Variants in ERC2 observed in about 807,000 individuals in gnomAD.
The protein encoded by ERC2 is ERC protein 2.
In ERC2, 42 loss-of-function variants were observed where a neutral mutation model predicts 114.8. The ratio of observed to expected loss-of-function variants is 0.37; its 90% confidence interval spans 0.29 to 0.47. The LOEUF (loss-of-function observed/expected upper bound fraction) is 0.47. Among genes scored for constraint, ERC2 ranks in the 20% least tolerant of loss-of-function variants. ERC2 has a pLI of 0.99. For synonymous variants in ERC2, 454 were observed against 425.5 expected, an observed-to-expected ratio of 1.07 and a Z score of -0.82; for missense variants, 939 against 1,150.7, an observed-to-expected ratio of 0.82 and a Z score of 2.66.
At chr3:55,639,059 C>G (rs527758721) in intron 17 of ERC2, among the ~76,000 whole-genome samples, 111 of 152,288 alleles carry the variant, frequency 7.3e-4, no homozygotes, top group African/African-American at 2.5e-3. Context: ...GCAAATTGCT[C>G]ATTGGATTCA....
At chr3:55,623,862 A>T (rs887607622) in intron 17 of ERC2, among the ~76,000 whole-genome samples, 2 of 152,210 alleles carry the variant, frequency 1.3e-5, no homozygotes, top group African/African-American at 4.8e-5. Flanking sequence ...TTCTGCAGAA[A>T]GTAAAAATTG....
At chr3:55,910,044 G>A (rs1359063612) in intron 13 of ERC2, among the ~76,000 whole-genome samples, 1 of 151,906 alleles carries the variant, frequency 6.6e-6, no homozygotes, top group East Asian at 1.9e-4. Flanking sequence ...TAAATATTCT[G>A]TTTAGGTTGA....
intron 3 of ERC2, among the ~76,000 whole-genome samples, chr3:56,228,478 T>C (rs1323715875): frequency 2.0e-5 from 3 of 152,244 alleles, no homozygotes; most frequent in African/African-American, 7.2e-5. Context: ...CTTTGTGTGA[T>C]TTCACTTAGC....
chr3:56,150,889 G>A (rs1407328238), intron 4 of ERC2, among the ~76,000 whole-genome samples: 1 of 152,102 alleles, frequency 6.6e-6, no homozygotes, highest in African/African-American at 2.4e-5. Flanking sequence ...AGGATTAGAT[G>A]AGGCTAGGAG....
intron 13 of ERC2, among the ~76,000 whole-genome samples, chr3:55,938,961 A>G (rs1489539597): frequency 6.6e-6 from 1 of 152,226 alleles, no homozygotes; most frequent in Non-Finnish European, 1.5e-5. Context: ...AAAAAAATTT[A>G]TCAGATTTGG....
intron 17 of ERC2, among the ~76,000 whole-genome samples, chr3:55,617,376 C>T (rs2148586394): frequency 6.6e-6 from 1 of 152,290 alleles, no homozygotes; most frequent in African/African-American, 2.4e-5. Flanking sequence ...TGCAATTTTC[C>T]ACCAACAATG....
chr3:56,263,960 C>G (rs2053119298), intron 3 of ERC2, among the ~76,000 whole-genome samples: 1 of 151,980 alleles, frequency 6.6e-6, no homozygotes, highest in Admixed American at 6.6e-5. Flanking sequence ...TACATTGTGA[C>G]CACAATGTAT....
At chr3:55,757,359 C>T (rs551581920) in intron 14 of ERC2, among the ~76,000 whole-genome samples, 1 of 152,168 alleles carries the variant, frequency 6.6e-6, no homozygotes, top group South Asian at 2.1e-4. Flanking sequence ...CCCTTCCACA[C>T]TGGTCTCTCT....
At chr3:56,238,285 G>C (rs997709943) in intron 3 of ERC2, among the ~76,000 whole-genome samples, 8 of 152,178 alleles carry the variant, frequency 5.3e-5, no homozygotes, top group Non-Finnish European at 8.8e-5. Flanking sequence ...GACGAAATAG[G>C]TGTTTAGTGT....
intron 14 of ERC2, among the ~76,000 whole-genome samples, chr3:55,790,295 G>T (rs1195386485): frequency 6.6e-6 from 1 of 152,126 alleles, no homozygotes; most frequent in East Asian, 1.9e-4. Flanking sequence ...CTTCCTTGCA[G>T]GTGTTAGGGA....
intron 2 of ERC2, among the ~76,000 whole-genome samples, chr3:56,410,377 A>G (rs918218909): frequency 1.5e-4 from 23 of 152,324 alleles, no homozygotes; most frequent in Non-Finnish European, 2.9e-4. Context: ...TAACAAAATT[A>G]CTCTATAGAG....
chr3:55,903,503 A>C (rs1407223974), intron 13 of ERC2, among the ~76,000 whole-genome samples: 2 of 152,244 alleles, frequency 1.3e-5, no homozygotes, highest in Non-Finnish European at 2.9e-5. Context: ...TTGTTTAAAA[A>C]TATTTCTCCT....
intron 3 of ERC2, among the ~76,000 whole-genome samples, chr3:56,264,227 T>C (rs1027311629): frequency 1.8e-4 from 27 of 152,148 alleles, no homozygotes; most frequent in African/African-American, 6.3e-4. Context: ...AAAAGCTTTT[T>C]CCTTAAGATT....
chr3:56,383,222 C>T (rs1271340461), intron 2 of ERC2, among the ~76,000 whole-genome samples: 1 of 152,150 alleles, frequency 6.6e-6, no homozygotes, highest in African/African-American at 2.4e-5. Context: ...ATTCTCAACA[C>T]AACAGCCAGA....
chr3:55,574,170 A>C (rs2056860771), intron 17 of ERC2, among the ~76,000 whole-genome samples: 1 of 152,146 alleles, frequency 6.6e-6, no homozygotes, highest in Non-Finnish European at 1.5e-5. Flanking sequence ...ACCAATGATG[A>C]CACTGTGGTC....
intron 14 of ERC2, among the ~76,000 whole-genome samples, chr3:55,762,434 CAT>C (rs2067506774): frequency 2.0e-5 from 3 of 152,212 alleles, no homozygotes; most frequent in African/African-American, 7.2e-5. Context: ...ATATTTGACA[CAT>C]GTGTGTTCCA....
chr3:55,983,977 A>G (rs532130194), intron 12 of ERC2, among the ~76,000 whole-genome samples: 61 of 152,302 alleles, frequency 4.0e-4, no homozygotes, highest in Non-Finnish European at 7.4e-4. Context: ...AGCTTCTAGG[A>G]CTCTAAAGAC....
At chr3:56,182,509 C>T (rs1029864272) in intron 3 of ERC2, among the ~76,000 whole-genome samples, 3 of 152,242 alleles carry the variant, frequency 2.0e-5, no homozygotes, top group African/African-American at 7.2e-5. Context: ...GCTAAGCACT[C>T]TTTTAAGTAT....
intron 3 of ERC2, among the ~76,000 whole-genome samples, chr3:56,175,124 T>C (rs938006604): frequency 6.6e-6 from 1 of 152,214 alleles, no homozygotes; most frequent in Non-Finnish European, 1.5e-5. Context: ...TATTTGCCAG[T>C]GGCCCAAGAA....
Sources: gnomAD v4.1 joint callset for allele counts (sites outside exome capture counted in the v4.1 genomes callset) on GRCh38, gnomAD v4.1.1 for gene constraint, MANE v1.5 for transcripts, NCBI Gene and HGNC (gene_info 2026-07-23, HGNC 2026-07-21) for gene names.